RAB5B: variants seen among roughly 807,000 people sequenced by gnomAD.
The protein encoded by RAB5B is RAB5B, member RAS oncogene family.
A neutral mutation model predicts 28.6 loss-of-function variants in RAB5B; 11 were observed. The ratio of observed to expected loss-of-function variants is 0.38; its 90% CI spans 0.24 to 0.64. The LOEUF is 0.64. Among genes scored for constraint, RAB5B ranks in the 30% least tolerant of loss-of-function variants. The probability of loss-of-function intolerance (pLI) is 0.53; values close to 1 mark genes in which losing one functional copy is unlikely to be tolerated. For synonymous variants in RAB5B, 93 were observed against 97.9 expected (o/e 0.95, Z 0.29); for missense variants, 169 against 265.6 (o/e 0.64, Z 2.53).
intron 1 of RAB5B, among the ~76,000 whole-genome samples, chr12:55,981,882 G>C (rs1474846311): frequency 6.6e-6 from 1 of 150,748 alleles, no homozygotes; most frequent in East Asian, 2.0e-4. Context: ...ACCCACTGCA[G>C]CCTCTGCCTC....
intron 1 of RAB5B, among the ~76,000 whole-genome samples, chr12:55,982,178 C>T (rs914151074): frequency 6.6e-6 from 1 of 151,470 alleles, no homozygotes; most frequent in African/African-American, 2.4e-5. Flanking sequence ...GAGAAACCTG[C>T]CCCATCTCCC....
chr12:55,977,219 C>T (rs1215943731), intron 1 of RAB5B, among the ~76,000 whole-genome samples: 2 of 152,076 alleles, frequency 1.3e-5, no homozygotes, highest in Non-Finnish European at 2.9e-5. Flanking sequence ...AGGTGATCCA[C>T]GTGCCTCAGC....
At chr12:55,983,730 T>C (rs922439687) in intron 1 of RAB5B, among the ~76,000 whole-genome samples, 1 of 146,010 alleles carries the variant, frequency 6.8e-6, no homozygotes, top group Non-Finnish European at 1.5e-5. Flanking sequence ...TGTAATCAGC[T>C]CACTACAACC....
intron 1 of RAB5B, among the ~76,000 whole-genome samples, chr12:55,981,516 C>T (rs2136476301): frequency 6.6e-6 from 1 of 152,240 alleles, no homozygotes. Flanking sequence ...ATACCGAGAA[C>T]TCTGTCTCTG....
At chr12:55,980,964 G>A in intron 1 of RAB5B, 2 of 1,614,004 alleles carry the variant, frequency 1.2e-6, no homozygotes, top group Non-Finnish European at 1.7e-6. Context: ...CGAATGATCA[G>A]ACAAGTCTTG....
At chr12:55,988,380 C>T (rs1890015109) in intron 2 of RAB5B, among the ~76,000 whole-genome samples, 1 of 152,164 alleles carries the variant, frequency 6.6e-6, no homozygotes, top group African/African-American at 2.4e-5. Context: ...ATGCAAAATA[C>T]AAAGGGTGTC....
chr12:55,980,799 G>A (rs1451647642), intron 1 of RAB5B: 14 of 1,578,990 alleles, frequency 8.9e-6, no homozygotes, highest in Admixed American at 1.7e-5. Context: ...ATGGCTCCAC[G>A]GTAGTAGGCA....
intron 1 of RAB5B, chr12:55,980,718 T>C (rs1208722573): frequency 6.3e-7 from 1 of 1,580,410 alleles, no homozygotes; most frequent in African/African-American, 1.3e-5. Flanking sequence ...TTCTCCATGA[T>C]GCTTTTCATC....
chr12:55,993,770 G>A lies in RAB5B; in HGVS notation c.*1558G>A, dbSNP rs1890206474. On this transcript the variant is annotated 3_prime_UTR_variant, in exon 6 of 6. Coordinates refer to ENST00000360299, the MANE Select transcript of RAB5B (RefSeq NM_002868.4). ...GGGGCTAGTACCACAGAGGCCTCCT[G>A]TGGTGCCCTCGTATCATACCACCTG... 1.3e-5 allele frequency: 2 copies of A among 152,572 alleles called. No homozygotes were observed. Among genetic ancestry groups the A allele is most frequent in the South Asian group, 4.1e-4 (2 of 4,828 alleles). The allele number at this position is 152,572 out of a possible 1,614,324, so 9.5% of individuals were successfully genotyped here. A position where few individuals can be genotyped will look rare whatever the true frequency, so the allele number is the denominator to read the frequency against.
chr12:55,981,134 G>C (rs1317497795), intron 1 of RAB5B: 1 of 1,001,806 alleles, frequency 1.0e-6, no homozygotes, highest in East Asian at 2.5e-5. Flanking sequence ...TGTGATCTCG[G>C]CTCACTGCTA....
rs554907764 is a variant in RAB5B at position 55,986,628 on chromosome 12, A to G, written c.-92-241A>G. ...AATTACTGGGGAATTAAAAACTCTC[A>G]GTTTTCAGTCTCTCTATTTCGGCTC... On this transcript the variant is annotated intron_variant, in intron 1 of 5. Transcript: ENST00000360299. Among the ~76,000 whole-genome samples the G allele has an allele frequency of 4.6e-5, 7 of 152,242 alleles. No homozygotes were observed. The East Asian group carries it at 1.4e-3, about 29-fold the overall frequency.
At chr12:55,992,018 G>T (rs1890140753) in intron 5 of RAB5B, 79 bp from the exon 6 acceptor site, 15 of 1,001,886 alleles carry the variant, frequency 1.5e-5, no homozygotes, top group Admixed American at 2.1e-5. Context: ...CAATTCAGTA[G>T]CCGTTTTTGG....
Position 55,990,057 on chromosome 12 carries a change from G to T in RAB5B, c.274G>T (p.Gly92Cys). The T allele has an allele frequency of 6.2e-7, 1 of 1,614,170 alleles. No individual in the cohort carries two copies. The highest frequency in any genetic ancestry group is 8.5e-7 in the Non-Finnish European group (1 of 1,180,016). The change falls in exon 3 of 6, where the codon GGT becomes TGT. Residue 92 changes from glycine to cysteine, a missense_variant. Physicochemically the swap from Gly to Cys is radical, Grantham distance 159 (BLOSUM62 -3). Coordinates refer to ENST00000360299, the MANE Select transcript of RAB5B (RefSeq NM_002868.4). ...YHSLAPMYYR[G>C]AQAAIVVYDI... ...CAGCTTAGCCCCCATGTACTACAGG[G>T]GTGCCCAAGCTGCAATCGTGGTTTA...
intron 1 of RAB5B, among the ~76,000 whole-genome samples, chr12:55,976,872 CT>C (rs1162037312): frequency 1.3e-5 from 2 of 152,200 alleles, no homozygotes; most frequent in African/African-American, 4.8e-5. Flanking sequence ...TAAAAGCCCT[CT>C]GTTGTACCCA....
Position 55,993,123 on chromosome 12 carries a change from C to T in RAB5B, c.*911C>T, listed in dbSNP as rs1426356164. Reference sequence around the variant, plus strand: ...CTGATTTATACATATGCATTTTTTCCCCTCTGGCCTTTAGATGGCCTCAGC... The same window carrying T: ...CTGATTTATACATATGCATTTTTTCTCCTCTGGCCTTTAGATGGCCTCAGC... On this transcript the variant is annotated 3_prime_UTR_variant, in exon 6 of 6. Transcript: ENST00000360299. 1 of 153,044 alleles carries T rather than the reference C, an allele frequency of 6.5e-6. No individual in the cohort carries two copies. The highest frequency in any genetic ancestry group is 1.5e-5 in the Non-Finnish European group (1 of 68,472). 9.5% of individuals were successfully genotyped at this position (153,044 alleles called of 1,614,324 possible).
intron 5 of RAB5B, 121 bp from the exon 6 acceptor site, chr12:55,991,976 T>C: frequency 1.4e-6 from 1 of 701,416 alleles, no homozygotes; most frequent in Non-Finnish European, 2.4e-6. Context: ...CTTCAGAACA[T>C]TCTTTTAATC....
At chr12:55,988,935 C>CTTTTTTTTTTTTT in intron 2 of RAB5B, among the ~76,000 whole-genome samples, 1 of 94,678 alleles carries the variant, frequency 1.1e-5, no homozygotes, top group Non-Finnish European at 2.1e-5. Flanking sequence ...CTAATTAATT[C>CTTTTTTTTTTTTT]TTTTTTTTTT....
In RAB5B at chr12:55,992,231, A is replaced by G; in HGVS notation, c.*19A>G. 2.5e-6 allele frequency: 4 copies of G among 1,578,814 alleles called. No individual in the cohort carries two copies. Among genetic ancestry groups the G allele is most frequent in the Non-Finnish European group, 1.7e-6 (2 of 1,148,498 alleles). On this transcript the variant is annotated 3_prime_UTR_variant, in exon 6 of 6. Coordinates refer to ENST00000360299, the MANE Select transcript of RAB5B (RefSeq NM_002868.4). The stretch of plus-strand genomic sequence containing the variant: ...CAACTGAGGGGGTGGCTAGCAGCAA[A>G]CAAGTATGGAGCTAGCACAAGAGCT...
Position 55,993,861 on chromosome 12 carries a change from C to T in RAB5B, c.*1649C>T, listed in dbSNP as rs1350526508. ...CAACTGGCTCATATTATCAGAGGAC[C>T]TTGGTCCTTTCTAAATCTCTAGTCT... is the stretch of plus-strand genomic sequence containing the variant. On this transcript the variant is annotated 3_prime_UTR_variant, in exon 6 of 6. Transcript: ENST00000360299. 1 of 152,378 alleles carries T rather than the reference C, an allele frequency of 6.6e-6. No individual in the cohort carries two copies. The highest frequency in any genetic ancestry group is 2.4e-5 in the African/African-American group (1 of 41,418). The allele number at this position is 152,378 out of a possible 1,614,324, so 9.4% of individuals were successfully genotyped here. A position where few individuals can be genotyped will look rare whatever the true frequency, so the allele number is the denominator to read the frequency against.
Sources: allele counts gnomAD v4.1 joint callset (sites outside exome capture counted in the v4.1 genomes callset), GRCh38; gene constraint gnomAD v4.1.1; transcripts MANE v1.5; gene names NCBI Gene and HGNC (gene_info 2026-07-23, HGNC 2026-07-21).